Variants in CCPG1 observed in about 807,000 individuals in gnomAD.
CCPG1 encodes the protein cell cycle progression 1, also known as cell cycle progression protein 1.
A neutral mutation model predicts 81.3 loss-of-function variants in CCPG1; 46 were observed. The observed-to-expected ratio is 0.57, with a 90% CI of 0.45 to 0.72. The LOEUF (loss-of-function observed/expected upper bound fraction) is 0.72, where lower values mean the gene tolerates loss of function less well. CCPG1 is among the 30% of genes least tolerant of loss of function. The pLI is 0.00. For missense variants in CCPG1, 902 were observed against 937.6 expected, an observed-to-expected ratio of 0.96 and a Z score of 0.50; for synonymous variants, 330 against 305.2, an observed-to-expected ratio of 1.08 and a Z score of -0.85.
intron 2 of CCPG1, among the ~76,000 whole-genome samples, chr15:55,388,905 T>C (rs2056857170): frequency 6.6e-6 from 1 of 151,646 alleles, no homozygotes; most frequent in African/African-American, 2.4e-5. Context: ...TCGTCTCTAC[T>C]GAAAATACAA....
rs1375052949 is a variant in CCPG1 at position 55,355,548 on chromosome 15, A to G, written c.*672T>C. ...AGAAAAAAGCTGTATGAACTGCTTT[A>G]CCAAATATCACTACTGAGGAAATGT... On this transcript the variant is annotated 3_prime_UTR_variant, in exon 9 of 9. Transcript: ENST00000442196. 1 of 727,130 alleles carries G rather than the reference A, an allele frequency of 1.4e-6. No individual in the cohort carries two copies. The highest frequency in any genetic ancestry group is 1.8e-5 in the African/African-American group (1 of 56,218). 45.0% of individuals were successfully genotyped at this position (727,130 alleles called of 1,614,324 possible). A position where few individuals can be genotyped will look rare whatever the true frequency, so the allele number is the denominator to read the frequency against.
chr15:55,382,695 G>C (rs1276405579), intron 3 of CCPG1, among the ~76,000 whole-genome samples: 2 of 152,046 alleles, frequency 1.3e-5, no homozygotes, highest in Non-Finnish European at 2.9e-5. Context: ...ATTTTTAGTA[G>C]AGATGGGATT....
rs1484842811 is a variant in CCPG1 at position 55,356,132 on chromosome 15, T to C, written c.*88A>G. ...AGAAACAAAAGAAAAGACATTGTCATCTTGGTAATTTCATTAGTTTCAATA... is the reference window on the plus strand; with the variant it reads ...AGAAACAAAAGAAAAGACATTGTCACCTTGGTAATTTCATTAGTTTCAATA... On this transcript the variant is annotated 3_prime_UTR_variant, in exon 9 of 9. Transcript: ENST00000442196. 9 of 933,096 alleles carry C rather than the reference T, an allele frequency of 9.6e-6. No homozygotes were observed. In the East Asian group the frequency reaches 2.2e-4, roughly 23 times the overall value. The allele number at this position is 933,096 out of a possible 1,614,324, so 57.8% of individuals were successfully genotyped here.
intron 6 of CCPG1, among the ~76,000 whole-genome samples, chr15:55,365,838 T>C (rs2056315672): frequency 6.6e-6 from 1 of 151,704 alleles, no homozygotes; most frequent in African/African-American, 2.4e-5. Context: ...ACGCCTGTAA[T>C]CCCAGCACAT....
rs957780337 is a variant in CCPG1, at chr15:55,359,920, C to T, written c.1853G>A (p.Cys618Tyr). The T allele has an allele frequency of 6.2e-7, 1 of 1,613,574 alleles. No individual in the cohort carries two copies. The highest frequency in any genetic ancestry group is 1.3e-5 in the African/African-American group (1 of 74,898). ...TCTGAAAGAATGAGAATTTTCTCTA[C>T]AATCATGCCCAGGACTGCATTTCTT... Reference protein sequence around the residue: ...NSKKCSPGHDCRENSHSFRKA... With the variant: ...NSKKCSPGHDYRENSHSFRKA... Residue 618 changes from cysteine (C) to tyrosine (Y), a missense_variant, in exon 8 of 9, where the codon TGT becomes TAT. Cys to Tyr is a radical substitution (Grantham distance 194, BLOSUM62 -2). Transcript: ENST00000442196.
At chr15:55,389,327 A>G (rs1300446843) in intron 2 of CCPG1, 38 bp downstream of exon 2, 8 of 1,381,216 alleles carry the variant, frequency 5.8e-6, no homozygotes, top group Non-Finnish European at 8.2e-6. Flanking sequence ...TAACATTAAT[A>G]TTACAAATTA....
chr15:55,394,966 T>TA (rs1157463206), intron 1 of CCPG1, among the ~76,000 whole-genome samples: 2 of 152,122 alleles, frequency 1.3e-5, no homozygotes. Context: ...TTCTCTGCTA[T>TA]ATAGACCTCT....
chr15:55,359,489 T>A, intron 8 of CCPG1, 50 bp downstream of exon 8: 1 of 1,523,496 alleles, frequency 6.6e-7, no homozygotes. Context: ...TGCTATCCAA[T>A]CTACAAATGT....
rs1467922993 is a variant in CCPG1 at position 55,359,962 on chromosome 15, C to T, written c.1811G>A (p.Arg604Lys). 5 of 1,612,766 alleles carry T rather than the reference C, an allele frequency of 3.1e-6. No homozygotes were observed. Among genetic ancestry groups the T allele is most frequent in the Non-Finnish European group, 4.2e-6 (5 of 1,179,766 alleles). ...GCATTTCTTTGAATTTGTATTTTTTCTGAATTCTTTAAAGTGAACTGGCTT... is the reference window on the plus strand; with the variant it reads ...GCATTTCTTTGAATTTGTATTTTTTTTGAATTCTTTAAAGTGAACTGGCTT... ...KEKPVHFKEF[R>K]KNTNSKKCSP... The change falls in exon 8 of 9, where the codon AGA becomes AAA. Residue 604 changes from arginine (R) to lysine (K), a missense_variant. Arg to Lys is a conservative substitution (Grantham distance 26). Around this residue, in one of 3 missense-constraint regions of CCPG1, gnomAD observed 746 missense variants for 728.6 expected, o/e 1.02. Transcript: ENST00000442196.
chr15:55,357,326 G>T, intron 8 of CCPG1: 1 of 985,104 alleles, frequency 1.0e-6, no homozygotes, highest in Non-Finnish European at 1.2e-6. Context: ...TTTTCCAAAT[G>T]TTTTTTCCTT....
chr15:55,394,426 A>C (rs1371409816), intron 1 of CCPG1, among the ~76,000 whole-genome samples: 1 of 152,196 alleles, frequency 6.6e-6, no homozygotes, highest in East Asian at 1.9e-4. Flanking sequence ...GCTTTGTGAT[A>C]AGAAAAACTG....
chr15:55,397,075 G>A (rs889833469), intron 1 of CCPG1, among the ~76,000 whole-genome samples: 1 of 152,144 alleles, frequency 6.6e-6, no homozygotes, highest in African/African-American at 2.4e-5. Flanking sequence ...TTAGCCGGGC[G>A]TGGTAGCGGG....
rs754826373 is a variant in CCPG1, at chr15:55,371,852, T to G, written c.647A>C (p.Asn216Thr). Residue 216 changes from asparagine to threonine, a missense_variant, in exon 6 of 9, where the codon AAT (asparagine) becomes ACT (threonine). Asn to Thr is a moderately conservative substitution (Grantham distance 65). This residue lies in a region of CCPG1 where 746 missense variants were observed against 728.6 expected (regional missense o/e 1.02). Transcript: ENST00000442196. ...LSKRQFSSGL[N>T]KCVILALVIA... ...CACCAAAGCAAGTATAACACACTTATTGAGACCACTACTGAACTGACGTTT... is the reference window on the plus strand; with the variant it reads ...CACCAAAGCAAGTATAACACACTTAGTGAGACCACTACTGAACTGACGTTT... The G allele has an allele frequency of 6.2e-7, 1 of 1,614,158 alleles. No individual in the cohort carries two copies. The highest frequency in any genetic ancestry group is 8.5e-7 in the Non-Finnish European group (1 of 1,179,986).
At chr15:55,388,624 G>A (rs1410151376) in intron 2 of CCPG1, among the ~76,000 whole-genome samples, 3 of 152,156 alleles carry the variant, frequency 2.0e-5, no homozygotes, top group African/African-American at 7.2e-5. Flanking sequence ...TAAGAACAGG[G>A]TATGGTGGCA....
At chr15:55,364,798 A>G (rs1260370698) in intron 7 of CCPG1, among the ~76,000 whole-genome samples, 2 of 150,946 alleles carry the variant, frequency 1.3e-5, no homozygotes, top group African/African-American at 2.4e-5. Context: ...GCTTGAACCC[A>G]GGAGGTGGAA....
intron 1 of CCPG1, among the ~76,000 whole-genome samples, chr15:55,403,800 T>G (rs1295396515): frequency 6.6e-6 from 1 of 152,216 alleles, no homozygotes; most frequent in African/African-American, 2.4e-5. Flanking sequence ...CAAACATAAT[T>G]CAGCCTCCAG....
At chr15:55,375,034 A>T (rs1170352595) in intron 5 of CCPG1, among the ~76,000 whole-genome samples, 1 of 152,212 alleles carries the variant, frequency 6.6e-6, no homozygotes, top group African/African-American at 2.4e-5. Flanking sequence ...TTCGTCTTTA[A>T]ACATTTGGTT....
intron 3 of CCPG1, among the ~76,000 whole-genome samples, chr15:55,378,797 A>G (rs2056618367): frequency 1.3e-5 from 2 of 151,924 alleles, no homozygotes; most frequent in Admixed American, 1.3e-4. Context: ...GGGTTTTACC[A>G]TGTTGCCCAG....
intron 7 of CCPG1, among the ~76,000 whole-genome samples, chr15:55,362,346 A>C (rs950955533): frequency 1.4e-4 from 22 of 152,144 alleles, no homozygotes; most frequent in African/African-American, 5.3e-4. Context: ...AAAAGGAAAA[A>C]AAAATACAAG....
Sources: gnomAD v4.1 joint callset for allele counts (sites outside exome capture counted in the v4.1 genomes callset) on GRCh38, gnomAD v4.1.1 for gene constraint, gnomAD v4.1.1 regional missense constraint, MANE v1.5 for transcripts, NCBI Gene and HGNC (gene_info 2026-07-23, HGNC 2026-07-21) for gene names.